Variants in ASIC2 observed in about 807,000 individuals in gnomAD.
ASIC2 encodes the protein acid-sensing ion channel 2.
ASIC2 carries 25 observed loss-of-function variants against 57.3 expected under a neutral mutation model. The ratio of observed to expected loss-of-function variants is 0.44; its 90% CI spans 0.32 to 0.61. The LOEUF is 0.61. Ranked by LOEUF, ASIC2 falls within the 20% of genes least tolerant of loss-of-function variation. The pLI, the probability that ASIC2 is intolerant of heterozygous loss-of-function variation, is 0.06. For synonymous variants in ASIC2, 319 were observed against 307.5 expected (o/e 1.04, Z -0.39); for missense variants, 641 against 738.1 (o/e 0.87, Z 1.52).
chr17:33,756,701 TCTTTAAGAA>T (rs1910614839), intron 1 of ASIC2, among the ~76,000 whole-genome samples: 3 of 71,004 alleles, frequency 4.2e-5, no homozygotes, highest in Admixed American at 1.4e-4. Context: ...TTAGAGAACC[TCTTTAAGAA>T]GGTAAAGAGA....
At chr17:33,755,850 C>G (rs1910587834) in intron 1 of ASIC2, among the ~76,000 whole-genome samples, 1 of 152,196 alleles carries the variant, frequency 6.6e-6, no homozygotes, top group South Asian at 2.1e-4. Flanking sequence ...GATGTTGCAG[C>G]AGCTGAGCCT....
chr17:33,261,358 T>C (rs1410863188), intron 1 of ASIC2, among the ~76,000 whole-genome samples: 1 of 152,176 alleles, frequency 6.6e-6, no homozygotes, highest in African/African-American at 2.4e-5. Flanking sequence ...AAACAGCTGT[T>C]TTCTGAGCTG....
At chr17:33,686,879 T>C (rs1235363102) in intron 1 of ASIC2, among the ~76,000 whole-genome samples, 1 of 152,066 alleles carries the variant, frequency 6.6e-6, no homozygotes, top group Non-Finnish European at 1.5e-5. Flanking sequence ...GGGACAGGAC[T>C]GGGGTGATAC....
chr17:34,016,040 T>A (rs1207769538), intron 1 of ASIC2, among the ~76,000 whole-genome samples: 5 of 152,234 alleles, frequency 3.3e-5, no homozygotes, highest in African/African-American at 1.2e-4. Context: ...AATGAACATG[T>A]CCTTTCGTCC....
chr17:33,022,780 T>TG (rs1490445535), intron 6 of ASIC2, among the ~76,000 whole-genome samples: 1 of 152,154 alleles, frequency 6.6e-6, no homozygotes, highest in Non-Finnish European at 1.5e-5. Context: ...TTCAGTCTAG[T>TG]GGGGCAGACA....
intron 1 of ASIC2, among the ~76,000 whole-genome samples, chr17:34,021,143 C>T (rs1233126458): frequency 1.3e-5 from 2 of 152,004 alleles, no homozygotes; most frequent in African/African-American, 2.4e-5. Flanking sequence ...GTACTGTGTA[C>T]ACTGCTTGGG....
At chr17:33,762,698 T>C (rs1910822361) in intron 1 of ASIC2, among the ~76,000 whole-genome samples, 1 of 152,220 alleles carries the variant, frequency 6.6e-6, no homozygotes, top group African/African-American at 2.4e-5. Context: ...AGGCCAAGTG[T>C]ATTTTTTATG....
chr17:33,503,303 C>A (rs930993825), intron 1 of ASIC2, among the ~76,000 whole-genome samples: 2 of 152,078 alleles, frequency 1.3e-5, no homozygotes, highest in Admixed American at 1.3e-4. Flanking sequence ...CTATTTAATA[C>A]CTGTCCTGGG....
chr17:33,087,849 G>A (rs192842237), intron 3 of ASIC2, among the ~76,000 whole-genome samples: 200 of 151,936 alleles, frequency 1.3e-3, no homozygotes, highest in South Asian at 6.7e-3. Context: ...GTGAACCACC[G>A]TGCCCGGCCC....
intron 1 of ASIC2, among the ~76,000 whole-genome samples, chr17:33,436,876 T>C (rs1323040312): frequency 7.9e-6 from 1 of 126,826 alleles, no homozygotes; most frequent in East Asian, 2.1e-4. Context: ...TTTTTTTTTT[T>C]TTTTTTTGAG....
At chr17:33,478,648 G>A (rs1487504071) in intron 1 of ASIC2, among the ~76,000 whole-genome samples, 1 of 152,130 alleles carries the variant, frequency 6.6e-6, no homozygotes, top group Non-Finnish European at 1.5e-5. Flanking sequence ...CCGTTTTACT[G>A]GAGACCAGAG....
chr17:33,022,037 A>C (rs938237467), intron 6 of ASIC2, among the ~76,000 whole-genome samples: 3 of 152,038 alleles, frequency 2.0e-5, no homozygotes, highest in African/African-American at 7.3e-5. Flanking sequence ...CTTGTTCTCA[A>C]CCCACTGAGC....
chr17:33,516,200 C>T (rs1914562460), intron 1 of ASIC2, among the ~76,000 whole-genome samples: 1 of 152,178 alleles, frequency 6.6e-6, no homozygotes, highest in Admixed American at 6.5e-5. Flanking sequence ...CCCAGAACTG[C>T]AGAGATGTGC....
intron 1 of ASIC2, among the ~76,000 whole-genome samples, chr17:33,688,414 C>T (rs938556346): frequency 1.1e-4 from 16 of 152,194 alleles, no homozygotes; most frequent in African/African-American, 2.4e-4. Flanking sequence ...AAATAGTTTC[C>T]GACAGAATGA....
intron 1 of ASIC2, among the ~76,000 whole-genome samples, chr17:33,872,189 T>C (rs902182735): frequency 6.6e-6 from 1 of 152,058 alleles, no homozygotes; most frequent in Non-Finnish European, 1.5e-5. Context: ...AGGTCCCCCT[T>C]TAAGCCCAGC....
chr17:34,076,494 T>C (rs564448137), intron 1 of ASIC2, among the ~76,000 whole-genome samples: 59 of 152,206 alleles, frequency 3.9e-4, no homozygotes, highest in Admixed American at 9.2e-4. Context: ...ATATAGTTTA[T>C]GGCCAGCCTC....
intron 1 of ASIC2, among the ~76,000 whole-genome samples, chr17:33,906,625 A>G (rs1328856088): frequency 6.6e-6 from 1 of 152,216 alleles, no homozygotes; most frequent in Non-Finnish European, 1.5e-5. Context: ...TCATGCTGTT[A>G]ACAAAACGAT....
chr17:33,964,139 C>T (rs1048124697), intron 1 of ASIC2, among the ~76,000 whole-genome samples: 1 of 152,186 alleles, frequency 6.6e-6, no homozygotes, highest in African/African-American at 2.4e-5. Flanking sequence ...CAGAATCTGT[C>T]CCTGGAAACC....
chr17:34,108,851 T>C (rs1280829980), intron 1 of ASIC2, among the ~76,000 whole-genome samples: 2 of 152,168 alleles, frequency 1.3e-5, no homozygotes, highest in Non-Finnish European at 2.9e-5. Flanking sequence ...CCTCACTTAT[T>C]GACCCTTATA....
Sources: allele counts gnomAD v4.1 joint callset (sites outside exome capture counted in the v4.1 genomes callset), GRCh38; gene constraint gnomAD v4.1.1; transcripts MANE v1.5; gene names NCBI Gene and HGNC (gene_info 2026-07-23, HGNC 2026-07-21).